SENP7: variants seen among roughly 807,000 people sequenced by gnomAD.
SENP7 encodes SUMO specific peptidase 7.
In SENP7, 64 loss-of-function variants were observed where a neutral mutation model predicts 141.2. The ratio of observed to expected loss-of-function variants is 0.45; its 90% CI spans 0.37 to 0.56. The LOEUF (loss-of-function observed/expected upper bound fraction) is 0.56, where lower values mean the gene tolerates loss of function less well. SENP7 is among the 20% of genes least tolerant of loss of function. The probability of loss-of-function intolerance (pLI) is 0.00; values close to 1 mark genes in which losing one functional copy is unlikely to be tolerated. For missense variants in SENP7, 1,025 were observed against 1,212.2 expected (o/e 0.85, Z 2.29); for synonymous variants, 382 against 426.4 (o/e 0.90, Z 1.28).
At chr3:101,427,370 G>T (rs2061996669) in intron 4 of SENP7, among the ~76,000 whole-genome samples, 1 of 151,518 alleles carries the variant, frequency 6.6e-6, no homozygotes, top group African/African-American at 2.4e-5. Context: ...CACACCTTTA[G>T]TCTCAGCTAC....
chr3:101,361,520 A>G (rs2059901927), intron 11 of SENP7, among the ~76,000 whole-genome samples, 195 bp downstream of exon 11: 1 of 152,136 alleles, frequency 6.6e-6, no homozygotes, highest in Non-Finnish European at 1.5e-5. Context: ...GAGTAGTCAG[A>G]TTAGGTAGGA....
chr3:101,477,449 G>C (rs2064264437), intron 3 of SENP7, among the ~76,000 whole-genome samples: 1 of 151,890 alleles, frequency 6.6e-6, no homozygotes, highest in Non-Finnish European at 1.5e-5. Context: ...TATTAAGAGA[G>C]AAATTTATAG....
intron 3 of SENP7, among the ~76,000 whole-genome samples, chr3:101,464,864 A>G (rs898120592): frequency 6.6e-6 from 1 of 152,182 alleles, no homozygotes; most frequent in Non-Finnish European, 1.5e-5. Flanking sequence ...GGGTAAGTGG[A>G]TCTGGAAATA....
At chr3:101,426,208 G>A (rs529044580) in intron 4 of SENP7, among the ~76,000 whole-genome samples, 2 of 152,278 alleles carry the variant, frequency 1.3e-5, no homozygotes, top group African/African-American at 4.8e-5. Flanking sequence ...AGGCCTAGCA[G>A]AGAACCCGAG....
intron 14 of SENP7, among the ~76,000 whole-genome samples, chr3:101,343,298 A>G (rs1167261548): frequency 6.6e-5 from 10 of 152,188 alleles, no homozygotes; most frequent in African/African-American, 2.4e-4. Flanking sequence ...CATTAAATTT[A>G]GCATCTGTTG....
intron 3 of SENP7, among the ~76,000 whole-genome samples, chr3:101,460,646 A>T (rs995690191): frequency 6.6e-6 from 1 of 152,204 alleles, no homozygotes; most frequent in Non-Finnish European, 1.5e-5. Flanking sequence ...TTTGGCAATG[A>T]CTTCACAGAT....
intron 4 of SENP7, among the ~76,000 whole-genome samples, chr3:101,442,754 TAAAA>T (rs1383438173): frequency 6.7e-6 from 1 of 149,790 alleles, no homozygotes; most frequent in Non-Finnish European, 1.5e-5. Context: ...ATTAATGAAA[TAAAA>T]AACACAATTA....
In SENP7 at chr3:101,487,902, C is replaced by T. The variant is rs543857996; in HGVS notation, c.186+5971G>A. 2.6e-5 allele frequency among the ~76,000 whole-genome samples: 4 copies of T among 152,208 alleles called. No individual in the cohort carries two copies. The South Asian group carries it at 8.3e-4, about 32-fold the overall frequency. On this transcript the variant is annotated intron_variant, in intron 3 of 23. Coordinates refer to ENST00000394095, the MANE Select transcript of SENP7 (RefSeq NM_020654.5). ...TTGAAGTCAGGTACTGTGATGCCTC[C>T]AGCTTTATTCTTTTTGTTTAGGATT...
chr3:101,487,708 T>G (rs2064790581), intron 3 of SENP7, among the ~76,000 whole-genome samples: 1 of 152,214 alleles, frequency 6.6e-6, no homozygotes. Context: ...CAGCATTTAT[T>G]GAATAGGGAA....
chr3:101,388,883 T>C (rs1051144957), intron 6 of SENP7, among the ~76,000 whole-genome samples: 6 of 151,062 alleles, frequency 4.0e-5, no homozygotes, highest in African/African-American at 7.3e-5. Flanking sequence ...GCTTCAACAA[T>C]AGACTAGACC....
chr3:101,508,084 C>T (rs2065700553), intron 1 of SENP7, among the ~76,000 whole-genome samples: 1 of 150,632 alleles, frequency 6.6e-6, no homozygotes, highest in Non-Finnish European at 1.5e-5. Context: ...GATATATTCC[C>T]TTGCCCATAT....
At chr3:101,376,329 C>A (rs1178680098) in intron 6 of SENP7, among the ~76,000 whole-genome samples, 1 of 152,006 alleles carries the variant, frequency 6.6e-6, no homozygotes, top group Non-Finnish European at 1.5e-5. Flanking sequence ...GAACTGTACA[C>A]TTAAAAATGG....
intron 4 of SENP7, among the ~76,000 whole-genome samples, chr3:101,455,259 G>C (rs2107855356): frequency 6.6e-6 from 1 of 152,228 alleles, no homozygotes; most frequent in African/African-American, 2.4e-5. Flanking sequence ...AGGTTTCCTA[G>C]AGATGCATTA....
At chr3:101,462,504 A>G (rs1340617561) in intron 3 of SENP7, among the ~76,000 whole-genome samples, 1 of 148,434 alleles carries the variant, frequency 6.7e-6, no homozygotes. Context: ...TCGCGCCATT[A>G]CACTCCAGCC....
At chr3:101,345,644 A>G (rs1464843974) in intron 13 of SENP7, among the ~76,000 whole-genome samples, 1 of 152,182 alleles carries the variant, frequency 6.6e-6, no homozygotes, top group African/African-American at 2.4e-5. Context: ...ATTGTCCAAC[A>G]AAGCAAACAC....
At chr3:101,388,543 T>G (rs1054533177) in intron 6 of SENP7, among the ~76,000 whole-genome samples, 3 of 152,136 alleles carry the variant, frequency 2.0e-5, no homozygotes, top group Non-Finnish European at 4.4e-5. Context: ...AAATAACTGT[T>G]CAACCAGATG....
chr3:101,511,958 T>C (rs1313523790), intron 1 of SENP7, among the ~76,000 whole-genome samples: 1 of 152,208 alleles, frequency 6.6e-6, no homozygotes, highest in East Asian at 1.9e-4. Flanking sequence ...TAGCTGGGAC[T>C]ACAGGCGCCC....
At chr3:101,472,682 T>C (rs1287396179) in intron 3 of SENP7, among the ~76,000 whole-genome samples, 1 of 151,802 alleles carries the variant, frequency 6.6e-6, no homozygotes, top group African/African-American at 2.4e-5. Flanking sequence ...CACCAAATCA[T>C]AAAGGTAAAC....
At chr3:101,355,779 G>C (rs1191728736) in intron 11 of SENP7, among the ~76,000 whole-genome samples, 1 of 152,094 alleles carries the variant, frequency 6.6e-6, no homozygotes, top group African/African-American at 2.4e-5. Context: ...GAATAGCACT[G>C]AATCTATAAA....
Sources: allele counts gnomAD v4.1 joint callset (sites outside exome capture counted in the v4.1 genomes callset), GRCh38; gene constraint gnomAD v4.1.1; transcripts MANE v1.5; gene names NCBI Gene and HGNC (gene_info 2026-07-23, HGNC 2026-07-21).